Variants in ATP10B observed in about 807,000 individuals in gnomAD.
ATP10B encodes the protein ATPase phospholipid transporting 10B (putative), also known as phospholipid-transporting ATPase VB.
ATP10B carries 122 observed loss-of-function variants against 141.2 expected under a neutral mutation model. The observed-to-expected ratio is 0.86, with a 90% confidence interval of 0.75 to 1.00. The LOEUF (loss-of-function observed/expected upper bound fraction) is 1.00, where lower values mean the gene tolerates loss of function less well. ATP10B is among the 50% of genes least tolerant of loss of function. The probability of loss-of-function intolerance (pLI) is 0.00; values close to 1 mark genes in which losing one functional copy is unlikely to be tolerated. For synonymous variants in ATP10B, 685 were observed against 692.0 expected (o/e 0.99, Z 0.16); for missense variants, 1,876 against 1,825.3 (o/e 1.03, Z -0.51).
At chr5:160,817,454 G>A (rs1361673928) in intron 1 of ATP10B, among the ~76,000 whole-genome samples, 1 of 152,070 alleles carries the variant, frequency 6.6e-6, no homozygotes, top group African/African-American at 2.4e-5. Flanking sequence ...GGGACATGAA[G>A]GACCTCTTCA....
In ATP10B at chr5:160,589,461, G is replaced by A. The variant is rs1756128534; in HGVS notation, c.3750+131C>T. On this transcript the variant is annotated intron_variant, in intron 24 of 25. Coordinates refer to ENST00000327245, the MANE Select transcript of ATP10B (RefSeq NM_025153.3). Reference sequence around the variant, plus strand: ...ACCCCTTTCATCCCTGTACAGGTAGGACATAGGGTAGGAGCTTAGTATGTA... The same window carrying A: ...ACCCCTTTCATCCCTGTACAGGTAGAACATAGGGTAGGAGCTTAGTATGTA... The A allele has an allele frequency of 9.8e-6, 7 of 715,848 alleles. No homozygotes were observed. In the East Asian group the frequency reaches 1.6e-4, roughly 16 times the overall value. The allele number at this position is 715,848 out of a possible 1,614,324, so 44.3% of individuals were successfully genotyped here. A position where few individuals can be genotyped will look rare whatever the true frequency, so the allele number is the denominator to read the frequency against.
chr5:160,609,227 T>C (rs1757573149), intron 18 of ATP10B, among the ~76,000 whole-genome samples: 1 of 152,158 alleles, frequency 6.6e-6, no homozygotes. Context: ...AAAAATAATA[T>C]TCAAAGTGAG....
intron 1 of ATP10B, among the ~76,000 whole-genome samples, chr5:160,842,938 T>C (rs1775899168): frequency 6.6e-6 from 1 of 152,052 alleles, no homozygotes; most frequent in Admixed American, 6.6e-5. Flanking sequence ...ACTTCCCAAT[T>C]TATTTTATGA....
At chr5:160,782,281 A>G (rs1288816914) in intron 2 of ATP10B, among the ~76,000 whole-genome samples, 1 of 152,208 alleles carries the variant, frequency 6.6e-6, no homozygotes, top group African/African-American at 2.4e-5. Flanking sequence ...AGTTTAGACA[A>G]GGCACAGAGA....
At chr5:160,637,017 T>TATCCATCCATCCATCCATGAATCC (rs1554098768) in intron 10 of ATP10B, among the ~76,000 whole-genome samples, 1,447 of 61,256 alleles carry the variant, frequency 0.024, 58 homozygotes, top group Admixed American at 0.026. Context: ...TCCATCCATC[T>TATCCATCCATCCATCCATGAATCC]ATCCATCCAT....
chr5:160,743,776 A>C (rs1767630951), intron 2 of ATP10B, among the ~76,000 whole-genome samples: 1 of 152,236 alleles, frequency 6.6e-6, no homozygotes, highest in Admixed American at 6.5e-5. Flanking sequence ...ATCAAATTCA[A>C]AATTCTCAGC....
chr5:160,796,973 G>A (rs1330914952), intron 1 of ATP10B, among the ~76,000 whole-genome samples: 1 of 152,196 alleles, frequency 6.6e-6, no homozygotes, highest in Non-Finnish European at 1.5e-5. Context: ...GAACTGTAGG[G>A]AAGGAGGCAG....
At chr5:160,704,568 A>G (rs1764865064) in intron 3 of ATP10B, among the ~76,000 whole-genome samples, 1 of 152,188 alleles carries the variant, frequency 6.6e-6, no homozygotes, top group Non-Finnish European at 1.5e-5. Flanking sequence ...CATTGGCTTC[A>G]AGTTAGAGTC....
intron 1 of ATP10B, among the ~76,000 whole-genome samples, chr5:160,814,243 A>T (rs936296303): frequency 7.9e-5 from 12 of 152,128 alleles, no homozygotes; most frequent in African/African-American, 2.7e-4. Flanking sequence ...CAAAAAAAAA[A>T]TTAGATGAAT....
chr5:160,693,758 G>A (rs1373373982), intron 3 of ATP10B, among the ~76,000 whole-genome samples: 4 of 152,186 alleles, frequency 2.6e-5, no homozygotes, highest in Admixed American at 6.5e-5. Flanking sequence ...TAAGGAGGGC[G>A]TGACCTAGAT....
rs1754843276 is a variant in ATP10B at position 160,571,015 on chromosome 5, TG to T, written c.3751-1333del. ...CCTGCTTGCTTTTATAACTTTTTTT[TG>T]TCTTTTTGATCTATAGTTTTCTATG... On this transcript the variant is annotated intron_variant, in intron 24 of 25. Coordinates refer to ENST00000327245, the MANE Select transcript of ATP10B (RefSeq NM_025153.3). Among the ~76,000 whole-genome samples, 4 of 152,308 alleles carry T rather than the reference TG, an allele frequency of 2.6e-5. No homozygotes were observed. The South Asian group carries it at 6.2e-4, about 24-fold the overall frequency.
At chr5:160,778,255 C>A (rs1454061319) in intron 2 of ATP10B, among the ~76,000 whole-genome samples, 1 of 152,194 alleles carries the variant, frequency 6.6e-6, no homozygotes, top group Admixed American at 6.5e-5. Flanking sequence ...TCTGAACTTT[C>A]CTCATTCACT....
chr5:160,763,686 A>G (rs1222138291), intron 2 of ATP10B, among the ~76,000 whole-genome samples: 1 of 152,160 alleles, frequency 6.6e-6, no homozygotes, highest in South Asian at 2.1e-4. Flanking sequence ...ACCCAAACCC[A>G]TCAGAATAGA....
chr5:160,889,344 A>G, the ATP10B span, among the ~76,000 whole-genome samples: 1 of 152,160 alleles, frequency 6.6e-6, no homozygotes, highest in African/African-American at 2.4e-5. Context: ...TCAAGGTAAG[A>G]CCTGCTTCTT....
At chr5:160,900,971 G>T in the ATP10B span, among the ~76,000 whole-genome samples, 9 of 144,160 alleles carry the variant, frequency 6.2e-5, no homozygotes, top group Admixed American at 7.1e-5. Flanking sequence ...ACTAGCAGGT[G>T]GCGCCTCATC....
chr5:160,752,303 C>G (rs547562975), intron 2 of ATP10B, among the ~76,000 whole-genome samples: 3 of 151,792 alleles, frequency 2.0e-5, no homozygotes, highest in African/African-American at 7.2e-5. Context: ...TAGTGGATTA[C>G]CCTAAAGTCC....
chr5:160,773,123 G>A (rs1263694792), intron 2 of ATP10B, among the ~76,000 whole-genome samples: 2 of 152,134 alleles, frequency 1.3e-5, no homozygotes, highest in East Asian at 3.9e-4. Flanking sequence ...GCCTCTCTAG[G>A]GCATGTGTTA....
the ATP10B span, among the ~76,000 whole-genome samples, chr5:160,866,667 C>A: frequency 6.6e-6 from 1 of 152,006 alleles, no homozygotes; most frequent in South Asian, 2.1e-4. Flanking sequence ...AGAGCAAAAC[C>A]CTGTCTCAAA....
chr5:160,800,848 C>T (rs1241956942), intron 1 of ATP10B, among the ~76,000 whole-genome samples: 3 of 152,212 alleles, frequency 2.0e-5, no homozygotes, highest in Non-Finnish European at 4.4e-5. Flanking sequence ...TACTTCAAGG[C>T]TGAGGTATAG....
Sources: allele counts gnomAD v4.1 joint callset (sites outside exome capture counted in the v4.1 genomes callset), GRCh38; gene constraint gnomAD v4.1.1; transcripts MANE v1.5; gene names NCBI Gene and HGNC (gene_info 2026-07-23, HGNC 2026-07-21).